USP15: variants seen among roughly 807,000 people sequenced by gnomAD.
The protein encoded by USP15 is ubiquitin carboxyl-terminal hydrolase 15.
In USP15, 18 loss-of-function variants were observed where a neutral mutation model predicts 127.1. That is an observed-to-expected ratio of 0.14 (90% confidence interval 0.10 to 0.21). The LOEUF is 0.21. Among genes scored for constraint, USP15 ranks in the 10% least tolerant of loss-of-function variants. The probability of loss-of-function intolerance (pLI) is 1.00; values close to 1 mark genes in which losing one functional copy is unlikely to be tolerated. For synonymous variants in USP15, 364 were observed against 393.7 expected (o/e 0.92, Z 0.89); for missense variants, 805 against 1,159.9 (o/e 0.69, Z 4.44).
chr12:62,376,265 T>C (rs1220629652), intron 8 of USP15, among the ~76,000 whole-genome samples: 1 of 152,120 alleles, frequency 6.6e-6, no homozygotes, highest in Non-Finnish European at 1.5e-5. Flanking sequence ...ATATAAATTT[T>C]TTTCTTTTTC....
At chr12:62,347,306 CATAT>C (rs553171121) in intron 6 of USP15, among the ~76,000 whole-genome samples, 1 of 150,514 alleles carries the variant, frequency 6.6e-6, no homozygotes. Context: ...TGTGTGTGTA[CATAT>C]ATATATGTAC....
chr12:62,270,485 G>A (rs1074957), intron 1 of USP15, among the ~76,000 whole-genome samples: 12,928 of 152,044 alleles, frequency 0.085, 626 homozygotes, highest in Middle Eastern at 0.16. Flanking sequence ...TCCAAGTTTT[G>A]TAGTTCTGGC....
intron 8 of USP15, chr12:62,374,597 T>G: frequency 1.0e-6 from 1 of 978,602 alleles, no homozygotes; most frequent in Non-Finnish European, 1.2e-6. Context: ...ATTCATTTCC[T>G]AAAATATGTT....
intron 4 of USP15, among the ~76,000 whole-genome samples, chr12:62,317,946 T>C (rs2064877842): frequency 6.6e-6 from 1 of 152,222 alleles, no homozygotes; most frequent in African/African-American, 2.4e-5. Context: ...ACCAAAAACA[T>C]AAAACTTCTT....
intron 7 of USP15, among the ~76,000 whole-genome samples, chr12:62,349,911 T>G (rs1348416074): frequency 3.3e-5 from 5 of 151,992 alleles, no homozygotes; most frequent in Admixed American, 3.3e-4. Context: ...TGTATTACCT[T>G]GAACATTGAC....
At chr12:62,271,288 A>T (rs1021235941) in intron 1 of USP15, among the ~76,000 whole-genome samples, 1 of 152,088 alleles carries the variant, frequency 6.6e-6, no homozygotes, top group African/African-American at 2.4e-5. Context: ...CTTTGTGGAA[A>T]TGCAGTTATG....
At chr12:62,278,470 A>G (rs1308456549) in intron 1 of USP15, among the ~76,000 whole-genome samples, 1 of 152,224 alleles carries the variant, frequency 6.6e-6, no homozygotes, top group Non-Finnish European at 1.5e-5. Flanking sequence ...TTGGCAGCAC[A>G]GTAGGTCTGT....
chr12:62,388,480 A>G (rs2067226225), intron 11 of USP15, among the ~76,000 whole-genome samples: 1 of 152,186 alleles, frequency 6.6e-6, no homozygotes, highest in Admixed American at 6.5e-5. Flanking sequence ...GAATAACCAC[A>G]TGTGTGATAT....
rs144404578 is a variant in USP15 at position 62,349,565 on chromosome 12, A to T, written c.770+258A>T. Among the ~76,000 whole-genome samples, 342 of 152,152 alleles carry T rather than the reference A, an allele frequency of 2.2e-3. 1 individual carries two copies. Among genetic ancestry groups the T allele is most frequent in the Non-Finnish European group, 3.8e-3 (255 of 67,874 alleles). On this transcript the variant is annotated intron_variant, in intron 7 of 21. Transcript: ENST00000280377. Reference sequence around the variant, plus strand: ...CACTAATCATTAAAATATATTTAGAAGTTTGTTAGAACACAACTTTTTAGG... The same window carrying T: ...CACTAATCATTAAAATATATTTAGATGTTTGTTAGAACACAACTTTTTAGG...
intron 2 of USP15, among the ~76,000 whole-genome samples, chr12:62,299,688 G>T (rs866515366): frequency 6.6e-6 from 1 of 152,168 alleles, no homozygotes; most frequent in South Asian, 2.1e-4. Flanking sequence ...ACCTAGACAT[G>T]AAATTGTTGG....
intron 8 of USP15, among the ~76,000 whole-genome samples, chr12:62,358,851 T>C (rs1304129358): frequency 6.6e-6 from 1 of 152,188 alleles, no homozygotes; most frequent in Non-Finnish European, 1.5e-5. Context: ...TGTGAAGATA[T>C]ATGTAGGTTA....
chr12:62,344,619 G>A (rs955936765), intron 6 of USP15, among the ~76,000 whole-genome samples: 1 of 152,184 alleles, frequency 6.6e-6, no homozygotes, highest in Non-Finnish European at 1.5e-5. Context: ...CTCTCTATGG[G>A]GGCTCCAAAC....
rs2065459980 is a variant in USP15, at chr12:62,336,241, T to C, written c.683+10308T>C. 5 of 985,456 alleles carry C rather than the reference T, an allele frequency of 5.1e-6. 1 individual carries two copies. The highest frequency in any genetic ancestry group is 6.0e-6 in the Non-Finnish European group (5 of 829,940). 61.0% of individuals were successfully genotyped at this position (985,456 alleles called of 1,614,324 possible). On this transcript the variant is annotated intron_variant, in intron 6 of 21. Transcript: ENST00000280377. The stretch of plus-strand genomic sequence containing the variant: ...AATATGCCATTCTGTATTTCTAGAC[T>C]AGACCACTTTTCTGAATTCCAGATT...
chr12:62,339,882 G>A (rs150128595), intron 6 of USP15, among the ~76,000 whole-genome samples: 6,929 of 152,256 alleles, frequency 0.046, 227 homozygotes, highest in South Asian at 0.091. Flanking sequence ...TTTGGTATCA[G>A]GATGATGCTG....
chr12:62,293,261 A>T (rs532682805), intron 1 of USP15, among the ~76,000 whole-genome samples: 41 of 147,316 alleles, frequency 2.8e-4, no homozygotes, highest in Non-Finnish European at 4.8e-4. Context: ...TTGGCCTCTC[A>T]CTTCCTTCTT....
intron 2 of USP15, among the ~76,000 whole-genome samples, chr12:62,296,932 A>G (rs949575007): frequency 2.6e-5 from 4 of 152,304 alleles, no homozygotes; most frequent in South Asian, 2.1e-4. Context: ...ATCACCTTAC[A>G]TAGAGTGCTG....
intron 3 of USP15, among the ~76,000 whole-genome samples, chr12:62,305,101 A>G (rs961925252): frequency 1.3e-5 from 2 of 152,128 alleles, no homozygotes; most frequent in African/African-American, 2.4e-5. Context: ...ACATGCATAC[A>G]TATAGTTGGA....
At chr12:62,372,812 A>C (rs969895586) in intron 8 of USP15, among the ~76,000 whole-genome samples, 7 of 152,260 alleles carry the variant, frequency 4.6e-5, no homozygotes, top group African/African-American at 1.7e-4. Flanking sequence ...TAACATTAAA[A>C]TTGAATTCCA....
At chr12:62,402,699 T>A (rs2067733474) in intron 21 of USP15, among the ~76,000 whole-genome samples, 1 of 152,034 alleles carries the variant, frequency 6.6e-6, no homozygotes, top group South Asian at 2.1e-4. Flanking sequence ...ATTTAGCGCT[T>A]AGATCAAGAA....
Sources: gnomAD v4.1 joint callset for allele counts (sites outside exome capture counted in the v4.1 genomes callset) on GRCh38, gnomAD v4.1.1 for gene constraint, MANE v1.5 for transcripts, NCBI Gene and HGNC (gene_info 2026-07-23, HGNC 2026-07-21) for gene names.